Variants in GRIK2 observed in about 807,000 individuals in gnomAD.
GRIK2 encodes glutamate receptor ionotropic, kainate 2.
A neutral mutation model predicts 100.3 loss-of-function variants in GRIK2; 32 were observed. The ratio of observed to expected loss-of-function variants is 0.32; its 90% CI spans 0.24 to 0.43. The LOEUF is 0.43. Ranked by LOEUF, GRIK2 falls within the 20% of genes least tolerant of loss-of-function variation. GRIK2 has a pLI of 1.00. For synonymous variants in GRIK2, 417 were observed against 389.4 expected, an observed-to-expected ratio of 1.07 and a Z score of -0.83; for missense variants, 843 against 1,114.9, an observed-to-expected ratio of 0.76 and a Z score of 3.47.
At chr6:101,710,332 G>A (rs1303473465) in intron 7 of GRIK2, among the ~76,000 whole-genome samples, 2 of 151,890 alleles carry the variant, frequency 1.3e-5, no homozygotes, top group East Asian at 3.9e-4. Flanking sequence ...GTGGGCCTTT[G>A]GAATGGTGAG....
At chr6:101,493,381 C>T (rs180749672) in intron 2 of GRIK2, among the ~76,000 whole-genome samples, 172 of 152,004 alleles carry the variant, frequency 1.1e-3, no homozygotes, top group Non-Finnish European at 2.1e-3. Flanking sequence ...TACAGAATGC[C>T]TACAAAGAAG....
At chr6:101,919,310 A>C (rs1220988236) in intron 12 of GRIK2, among the ~76,000 whole-genome samples, 1 of 151,834 alleles carries the variant, frequency 6.6e-6, no homozygotes, top group Non-Finnish European at 1.5e-5. Context: ...AGTGCAATGA[A>C]GTCGGTAAGA....
At chr6:101,773,774 G>T (rs1303582475) in intron 7 of GRIK2, among the ~76,000 whole-genome samples, 2 of 151,992 alleles carry the variant, frequency 1.3e-5, no homozygotes, top group African/African-American at 2.4e-5. Context: ...TTACTTAAAG[G>T]TGAGGAAAAT....
At chr6:101,639,841 C>T (rs1296218907) in intron 4 of GRIK2, among the ~76,000 whole-genome samples, 1 of 152,112 alleles carries the variant, frequency 6.6e-6, no homozygotes, top group Non-Finnish European at 1.5e-5. Flanking sequence ...GGAACAGTAT[C>T]CACTAGGATA....
At chr6:101,633,351 G>A (rs1163934841) in intron 4 of GRIK2, among the ~76,000 whole-genome samples, 3 of 152,092 alleles carry the variant, frequency 2.0e-5, no homozygotes, top group Non-Finnish European at 4.4e-5. Context: ...TTGGTATCAG[G>A]ACATTCTAGA....
chr6:102,031,732 C>G (rs1277177545), intron 14 of GRIK2, among the ~76,000 whole-genome samples: 3 of 151,242 alleles, frequency 2.0e-5, no homozygotes, highest in Non-Finnish European at 4.4e-5. Flanking sequence ...TTTTCTGTTC[C>G]TGTGTTAATT....
chr6:101,913,441 T>C (rs1000630585), intron 12 of GRIK2, among the ~76,000 whole-genome samples: 1 of 151,570 alleles, frequency 6.6e-6, no homozygotes, highest in African/African-American at 2.4e-5. Context: ...AATGAAACAA[T>C]AGTATTTTTG....
In GRIK2 at chr6:101,914,050, A is replaced by T. The variant is rs909236953; in HGVS notation, c.1749-10551A>T. On this transcript the variant is annotated intron_variant, in intron 12 of 16. Transcript: ENST00000369134. ...GAGATATAGGTGAGAGAATCAAAAG[A>T]TAGGGAGATGTGTTGGTTTGGAGGT... 5.3e-5 allele frequency among the ~76,000 whole-genome samples: 8 copies of T among 151,670 alleles called. No individual in the cohort carries two copies. In the Admixed American group the frequency reaches 5.3e-4, roughly 10 times the overall value.
At chr6:101,408,837 C>T (rs533945173) in intron 2 of GRIK2, among the ~76,000 whole-genome samples, 1 of 152,012 alleles carries the variant, frequency 6.6e-6, no homozygotes, top group East Asian at 1.9e-4. Flanking sequence ...TAGGCACCCA[C>T]GGCCTAATCA....
At chr6:101,621,893 G>A (rs1312039802) in intron 2 of GRIK2, 56 bp from the exon 3 acceptor site, 1 of 1,219,906 alleles carries the variant, frequency 8.2e-7, no homozygotes, top group Non-Finnish European at 1.2e-6. Flanking sequence ...TCTTTATCTT[G>A]TGAAAATTAT....
chr6:101,414,891 C>T (rs2128238834), intron 2 of GRIK2, among the ~76,000 whole-genome samples: 1 of 152,100 alleles, frequency 6.6e-6, no homozygotes, highest in African/African-American at 2.4e-5. Flanking sequence ...GTCTCTGCCA[C>T]AAGCATCTGA....
intron 2 of GRIK2, among the ~76,000 whole-genome samples, chr6:101,554,492 G>GA (rs1157420777): frequency 3.3e-5 from 5 of 152,032 alleles, no homozygotes; most frequent in African/African-American, 1.2e-4. Context: ...TCACTACCAG[G>GA]ATATATAAAG....
intron 14 of GRIK2, 35 bp downstream of exon 14, chr6:101,928,667 A>G: frequency 3.8e-6 from 4 of 1,050,374 alleles, no homozygotes; most frequent in Non-Finnish European, 6.0e-6. Flanking sequence ...TTTACAAATT[A>G]AAATGATAGA....
At chr6:101,874,257 G>T (rs1221925552) in intron 11 of GRIK2, among the ~76,000 whole-genome samples, 10 of 151,590 alleles carry the variant, frequency 6.6e-5, no homozygotes, top group South Asian at 4.2e-4. Context: ...TTAATCCATC[G>T]TGAATTAATT....
At chr6:101,592,174 A>G (rs1003466299) in intron 2 of GRIK2, among the ~76,000 whole-genome samples, 1 of 151,964 alleles carries the variant, frequency 6.6e-6, no homozygotes, top group African/African-American at 2.4e-5. Context: ...CCATGAGCCA[A>G]AATTAAACTT....
At chr6:101,597,421 C>G (rs1413234643) in intron 2 of GRIK2, among the ~76,000 whole-genome samples, 1 of 151,546 alleles carries the variant, frequency 6.6e-6, no homozygotes, top group Non-Finnish European at 1.5e-5. Flanking sequence ...TTAAATAAAT[C>G]CCTATCTGAA....
At chr6:101,818,920 T>G (rs1781790389) in intron 10 of GRIK2, among the ~76,000 whole-genome samples, 1 of 152,250 alleles carries the variant, frequency 6.6e-6, no homozygotes, top group East Asian at 1.9e-4. Context: ...ATAATTATAT[T>G]TTAACTTTAT....
chr6:101,626,570 T>C lies in GRIK2; in HGVS notation c.474T>C (p.Arg158=). ...SLYPDFSSLS[R]AILDLVQFFK... ...ACCCAGACTTCTCTTCACTCAGCCGTGCCATTTTAGACCTGGTGCAGTTTT... is the reference window on the plus strand; with the variant it reads ...ACCCAGACTTCTCTTCACTCAGCCGCGCCATTTTAGACCTGGTGCAGTTTT... Residue 158 remains arginine (R), a synonymous_variant, in exon 4 of 17, where the codon CGT becomes CGC. Coordinates refer to ENST00000369134, the MANE Select transcript of GRIK2 (RefSeq NM_021956.5). 1.2e-6 allele frequency: 2 copies of C among 1,613,910 alleles called. No individual in the cohort carries two copies.
intron 16 of GRIK2, among the ~76,000 whole-genome samples, chr6:102,066,357 C>T (rs536519354): frequency 2.3e-4 from 35 of 150,960 alleles, no homozygotes; most frequent in African/African-American, 7.3e-4. Context: ...CAAGCAGTGC[C>T]GTGAGAACTT....
Sources: allele counts gnomAD v4.1 joint callset (sites outside exome capture counted in the v4.1 genomes callset), GRCh38; gene constraint gnomAD v4.1.1; transcripts MANE v1.5; gene names NCBI Gene and HGNC (gene_info 2026-07-23, HGNC 2026-07-21).